The following COMMD8 variants were observed in gnomAD, a reference collection of about 807,000 sequenced individuals.
COMMD8 encodes the protein COMM domain-containing protein 8.
Under a neutral mutation model 27.2 loss-of-function variants are expected in COMMD8, and 28 were observed. That is an observed-to-expected ratio of 1.03 (90% CI 0.76 to 1.41). COMMD8 has a LOEUF of 1.41. Ranked by LOEUF, COMMD8 falls within the 40% of genes most tolerant of loss-of-function variation. COMMD8 has a pLI of 0.00. For synonymous variants in COMMD8, 79 were observed against 75.5 expected (o/e 1.05, Z -0.24); for missense variants, 217 against 211.2 (o/e 1.03, Z -0.17).
rs566434109 is a variant in COMMD8 at position 47,460,330 on chromosome 4, A to C, written c.67-31T>G. ...AAGAAAAAAGGAAATAAATGTACTTATAAGTAAAATGATGAAACAAATTTA... is the reference window on the plus strand; with the variant it reads ...AAGAAAAAAGGAAATAAATGTACTTCTAAGTAAAATGATGAAACAAATTTA... On this transcript the variant is annotated intron_variant, in intron 1 of 4. Transcript: ENST00000381571. 182 of 1,579,814 alleles carry C rather than the reference A, an allele frequency of 1.2e-4. 4 individuals carry two copies. In the South Asian group the frequency reaches 2.0e-3, roughly 18 times the overall value.
chr4:47,454,281 C>T (rs1013799315), intron 3 of COMMD8, among the ~76,000 whole-genome samples: 8 of 152,166 alleles, frequency 5.3e-5, no homozygotes, highest in East Asian at 1.9e-4. Flanking sequence ...GTTAGTCCTT[C>T]ACCTAGTCTC....
At chr4:47,460,968 C>T (rs1464522573) in intron 1 of COMMD8, among the ~76,000 whole-genome samples, 1 of 152,172 alleles carries the variant, frequency 6.6e-6, no homozygotes. Context: ...TAAAACTATC[C>T]AGTTCCAATC....
At chr4:47,457,987 T>G (rs1403370778) in intron 2 of COMMD8, among the ~76,000 whole-genome samples, 1 of 152,022 alleles carries the variant, frequency 6.6e-6, no homozygotes, top group East Asian at 1.9e-4. Context: ...CAGTGCAGCC[T>G]TAGTTTAACA....
Position 47,460,170 on chromosome 4 carries a change from C to A in COMMD8, c.196G>T (p.Val66Phe), listed in dbSNP as rs775597717. ...EDIAKFFKAI[V>F]GKNLPDEEIF... The stretch of plus-strand genomic sequence containing the variant: ...TCTTCATCAGGTAAGTTTTTACCAA[C>A]TATGGCTTTGAAAAATTTGGCAATA... Residue 66 changes from valine to phenylalanine, a missense_variant, in exon 2 of 5, where the codon GTT (valine) becomes TTT (phenylalanine). Physicochemically the swap from Val to Phe is conservative, Grantham distance 50 (BLOSUM62 -1). Transcript: ENST00000381571. 1 of 1,613,582 alleles carries A rather than the reference C, an allele frequency of 6.2e-7. No homozygotes were observed. The highest frequency in any genetic ancestry group is 1.7e-5 in the Admixed American group (1 of 59,986).
chr4:47,459,680 C>T (rs566699842), intron 2 of COMMD8, among the ~76,000 whole-genome samples: 2 of 152,112 alleles, frequency 1.3e-5, no homozygotes, highest in Non-Finnish European at 2.9e-5. Flanking sequence ...ACAAGTTATA[C>T]ACTGACACAC....
chr4:47,454,518 T>TA (rs1729835289), intron 3 of COMMD8, among the ~76,000 whole-genome samples: 2 of 152,108 alleles, frequency 1.3e-5, no homozygotes, highest in Non-Finnish European at 2.9e-5. Context: ...GATAATACAC[T>TA]AAGAAGATAT....
rs1172272931 is a variant in COMMD8 at position 47,450,909 on chromosome 4, CAT to C, written c.*734_*735del. The stretch of plus-strand genomic sequence containing the variant: ...GTTTATTAACAAAAGTGGATGTGTA[CAT>C]AGTCTTATCTCATATTTGAATATAC... On this transcript the variant is annotated 3_prime_UTR_variant, in exon 5 of 5. Transcript: ENST00000381571. 2.0e-5 allele frequency: 3 copies of C among 152,174 alleles called. No individual in the cohort carries two copies. Among genetic ancestry groups the C allele is most frequent in the East Asian group, 1.9e-4 (1 of 5,202 alleles). 9.4% of individuals were successfully genotyped at this position (152,174 alleles called of 1,614,324 possible). A position where few individuals can be genotyped will look rare whatever the true frequency, so the allele number is the denominator to read the frequency against.
chr4:47,452,910 C>T (rs970171483), intron 4 of COMMD8, 149 bp downstream of exon 4: 12 of 585,040 alleles, frequency 2.1e-5, no homozygotes, highest in Middle Eastern at 4.6e-4. Context: ...GCACGAGAAT[C>T]GCTTGAACTC....
intron 4 of COMMD8, among the ~76,000 whole-genome samples, 170 bp from the exon 5 acceptor site, chr4:47,451,835 C>T (rs1286152170): frequency 6.6e-6 from 1 of 152,190 alleles, no homozygotes; most frequent in Non-Finnish European, 1.5e-5. Flanking sequence ...GGTTCAGAAT[C>T]TGTTACCATT....
chr4:47,460,100 G>C, intron 2 of COMMD8, 44 bp downstream of exon 2: 4 of 1,542,660 alleles, frequency 2.6e-6, no homozygotes, highest in Non-Finnish European at 3.6e-6. Context: ...AGAGAAACCT[G>C]AGCATTATTT....
chr4:47,459,596 C>A (rs1484350310), intron 2 of COMMD8, among the ~76,000 whole-genome samples: 2 of 152,084 alleles, frequency 1.3e-5, no homozygotes, highest in Non-Finnish European at 2.9e-5. Context: ...CTAACTAGAT[C>A]CATGTTTATC....
chr4:47,457,512 C>T (rs762987729), intron 2 of COMMD8, among the ~76,000 whole-genome samples: 1 of 152,108 alleles, frequency 6.6e-6, no homozygotes, highest in Non-Finnish European at 1.5e-5. Context: ...ATATAGAATA[C>T]TACACCTGAC....
At chr4:47,457,632 A>G (rs1156423301) in intron 2 of COMMD8, among the ~76,000 whole-genome samples, 1 of 152,168 alleles carries the variant, frequency 6.6e-6, no homozygotes, top group Non-Finnish European at 1.5e-5. Flanking sequence ...AATACTGTTT[A>G]TATTTTTATT....
intron 1 of COMMD8, among the ~76,000 whole-genome samples, chr4:47,461,450 A>G (rs1177044290): frequency 1.3e-5 from 2 of 152,204 alleles, no homozygotes; most frequent in Non-Finnish European, 2.9e-5. Flanking sequence ...TTTATTTACC[A>G]TAAATCAACA....
At chr4:47,451,781 G>C (rs921073430) in intron 4 of COMMD8, 116 bp from the exon 5 acceptor site, 7 of 678,890 alleles carry the variant, frequency 1.0e-5, no homozygotes, top group Non-Finnish European at 1.7e-5. Flanking sequence ...TAACAAGCAA[G>C]TACAATGCAC....
At position 47,460,237 on chromosome 4, in the gene COMMD8, G is replaced by A; in HGVS notation, c.129C>T (p.His43=). The change falls in exon 2 of 5, where the codon CAC becomes CAT. Residue 43 remains histidine, a synonymous_variant. Coordinates refer to ENST00000381571, the MANE Select transcript of COMMD8 (RefSeq NM_017845.5). ...TCCATTCTTCTGATTCCCAAACAGT[G>A]TGATAATCTTGGTACACAGGATAAG... ...GRAYPVYQDY[H]TVWESEEWMH... is the part of the protein sequence containing the mutation. The A allele has an allele frequency of 6.2e-7, 1 of 1,613,184 alleles. No individual in the cohort carries two copies. The highest frequency in any genetic ancestry group is 8.5e-7 in the Non-Finnish European group (1 of 1,179,434).
intron 2 of COMMD8, 81 bp downstream of exon 2, chr4:47,460,063 T>C (rs893952554): frequency 3.6e-6 from 4 of 1,114,316 alleles, no homozygotes; most frequent in African/African-American, 3.2e-5. Context: ...ATAGCCCTTG[T>C]ATTATACATT....
At chr4:47,462,669 C>T (rs1246164283) in intron 1 of COMMD8, among the ~76,000 whole-genome samples, 1 of 152,012 alleles carries the variant, frequency 6.6e-6, no homozygotes, top group Non-Finnish European at 1.5e-5. Context: ...ACAAGGAGAG[C>T]CAAAAGCCAA....
chr4:47,451,595 T>TA lies in COMMD8; in HGVS notation c.*49dup. ...TGAACACGCAGTATTCACTCTGCCA[T>TA]ATAAGTTGGAGCAATAAAATCTGAT... On this transcript the variant is annotated 3_prime_UTR_variant, in exon 5 of 5. Transcript: ENST00000381571. 1 of 1,474,870 alleles carries TA rather than the reference T, an allele frequency of 6.8e-7. No homozygotes were observed. Among genetic ancestry groups the TA allele is most frequent in the Non-Finnish European group, 9.4e-7 (1 of 1,059,242 alleles). The allele number at this position is 1,474,870 out of a possible 1,614,324, so 91.4% of individuals were successfully genotyped here. A position where few individuals can be genotyped will look rare whatever the true frequency, so the allele number is the denominator to read the frequency against.
Sources: allele counts gnomAD v4.1 joint callset (sites outside exome capture counted in the v4.1 genomes callset), GRCh38; gene constraint gnomAD v4.1.1; transcripts MANE v1.5; gene names NCBI Gene and HGNC (gene_info 2026-07-23, HGNC 2026-07-21).